NKAIN2: variants seen among roughly 807,000 people sequenced by gnomAD.
NKAIN2 encodes sodium/potassium transporting ATPase interacting 2.
A neutral mutation model predicts 32.6 loss-of-function variants in NKAIN2; 14 were observed. That is an observed-to-expected ratio of 0.43 (90% CI 0.28 to 0.67). NKAIN2 has a LOEUF of 0.67. Among genes scored for constraint, NKAIN2 ranks in the 30% least tolerant of loss-of-function variants. The pLI, the probability that NKAIN2 is intolerant of heterozygous loss-of-function variation, is 0.17. For missense variants in NKAIN2, 198 were observed against 258.3 expected (o/e 0.77, Z 1.60); for synonymous variants, 80 against 87.2 (o/e 0.92, Z 0.46).
intron 3 of NKAIN2, among the ~76,000 whole-genome samples, chr6:124,594,861 C>G (rs1782028249): frequency 6.6e-6 from 1 of 151,978 alleles, no homozygotes; most frequent in Admixed American, 6.6e-5. Context: ...TTACATTAGA[C>G]AGGAAGAATG....
chr6:124,063,195 T>TTA (rs368880263), intron 1 of NKAIN2, among the ~76,000 whole-genome samples: 36 of 150,634 alleles, frequency 2.4e-4, no homozygotes, highest in East Asian at 5.9e-4. Flanking sequence ...AAAAAAAAAA[T>TTA]TATATATATA....
chr6:124,780,843 AGAG>A (rs963228401), intron 4 of NKAIN2, among the ~76,000 whole-genome samples: 2 of 152,156 alleles, frequency 1.3e-5, no homozygotes, highest in African/African-American at 2.4e-5. Flanking sequence ...TAAGCAATTC[AGAG>A]GAGAACTATA....
At chr6:123,840,519 C>T (rs958951926) in intron 1 of NKAIN2, among the ~76,000 whole-genome samples, 1 of 151,950 alleles carries the variant, frequency 6.6e-6, no homozygotes. Context: ...TGAAGAAAAA[C>T]AATAATAATT....
chr6:123,807,711 G>T (rs943565560), intron 1 of NKAIN2, among the ~76,000 whole-genome samples: 2 of 152,068 alleles, frequency 1.3e-5, no homozygotes, highest in African/African-American at 4.8e-5. Flanking sequence ...TTGTTTTCAA[G>T]TAAGGAAACT....
At chr6:124,501,227 C>T (rs1397728625) in intron 3 of NKAIN2, among the ~76,000 whole-genome samples, 4 of 152,102 alleles carry the variant, frequency 2.6e-5, no homozygotes, top group African/African-American at 9.7e-5. Context: ...ACTGATCACA[C>T]TCCACTTCCA....
At chr6:124,205,566 A>T (rs1790830158) in intron 1 of NKAIN2, among the ~76,000 whole-genome samples, 1 of 151,464 alleles carries the variant, frequency 6.6e-6, no homozygotes, top group African/African-American at 2.4e-5. Context: ...ATCAAAATAG[A>T]TTATTCTTCT....
chr6:124,538,152 G>T (rs1185012396), intron 3 of NKAIN2, among the ~76,000 whole-genome samples: 1 of 151,156 alleles, frequency 6.6e-6, no homozygotes, highest in South Asian at 2.1e-4. Flanking sequence ...GTTTAATTTT[G>T]TATGTTCCTT....
intron 1 of NKAIN2, among the ~76,000 whole-genome samples, chr6:124,273,464 A>G (rs1263254846): frequency 6.6e-6 from 1 of 152,046 alleles, no homozygotes; most frequent in African/African-American, 2.4e-5. Context: ...AGTTAATTAA[A>G]CCTCCATTCT....
intron 1 of NKAIN2, among the ~76,000 whole-genome samples, chr6:124,059,554 T>G (rs1485308121): frequency 6.6e-6 from 1 of 152,130 alleles, no homozygotes; most frequent in East Asian, 1.9e-4. Context: ...ATAGCAGGGA[T>G]TTTTGTGTGC....
chr6:124,096,654 A>T (rs929621734), intron 1 of NKAIN2, among the ~76,000 whole-genome samples: 2 of 151,966 alleles, frequency 1.3e-5, no homozygotes, highest in African/African-American at 4.8e-5. Context: ...GGAGATCGAG[A>T]CCATCTTGGC....
chr6:124,625,326 A>AGTT (rs141141409), intron 3 of NKAIN2, among the ~76,000 whole-genome samples: 56,059 of 151,678 alleles, frequency 0.37, 10,407 homozygotes, highest in East Asian at 0.43. Context: ...ATTACATGTC[A>AGTT]GTTTCTTAAA....
intron 3 of NKAIN2, among the ~76,000 whole-genome samples, chr6:124,546,020 T>A (rs1386958273): frequency 6.6e-6 from 1 of 152,142 alleles, no homozygotes. Context: ...AAAAAAACAG[T>A]GAAGAAAAAC....
At chr6:123,937,824 A>G (rs1776589649) in intron 1 of NKAIN2, among the ~76,000 whole-genome samples, 1 of 152,040 alleles carries the variant, frequency 6.6e-6, no homozygotes, top group African/African-American at 2.4e-5. Context: ...TCTTGACAGT[A>G]CTTTTCCTCA....
At chr6:124,530,816 G>A (rs1332693406) in intron 3 of NKAIN2, among the ~76,000 whole-genome samples, 2 of 152,132 alleles carry the variant, frequency 1.3e-5, no homozygotes, top group African/African-American at 4.8e-5. Flanking sequence ...AGAGTCCAAA[G>A]CTCCAAGAAC....
chr6:123,824,946 T>C (rs1458065644), intron 1 of NKAIN2, among the ~76,000 whole-genome samples: 2 of 152,094 alleles, frequency 1.3e-5, no homozygotes, highest in African/African-American at 2.4e-5. Flanking sequence ...TTCCAATCTG[T>C]CTTAACCCAT....
chr6:124,268,712 A>G (rs1413860224), intron 1 of NKAIN2, among the ~76,000 whole-genome samples: 2 of 150,086 alleles, frequency 1.3e-5, no homozygotes, highest in Admixed American at 6.6e-5. Flanking sequence ...ATATTATAAC[A>G]TATATATTTT....
At chr6:124,103,194 A>G (rs1006706157) in intron 1 of NKAIN2, among the ~76,000 whole-genome samples, 1 of 152,208 alleles carries the variant, frequency 6.6e-6, no homozygotes, top group Non-Finnish European at 1.5e-5. Flanking sequence ...GACTGAAATG[A>G]GAGGAAACTA....
At chr6:124,765,862 T>C (rs72977785) in intron 4 of NKAIN2, among the ~76,000 whole-genome samples, 4,302 of 152,314 alleles carry the variant, frequency 0.028, 75 homozygotes, top group Middle Eastern at 0.051. Flanking sequence ...TCAGACATCA[T>C]AGGAACTGAG....
chr6:124,210,403 A>T (rs891821195), intron 1 of NKAIN2, among the ~76,000 whole-genome samples: 1 of 151,796 alleles, frequency 6.6e-6, no homozygotes, highest in African/African-American at 2.4e-5. Context: ...TTTGCTCAGG[A>T]TGGCTTTGGC....
Sources: gnomAD v4.1 joint callset for allele counts (sites outside exome capture counted in the v4.1 genomes callset) on GRCh38, gnomAD v4.1.1 for gene constraint, MANE v1.5 for transcripts, NCBI Gene and HGNC (gene_info 2026-07-23, HGNC 2026-07-21) for gene names.